NR3C2: variants seen among roughly 807,000 people sequenced by gnomAD.
The protein encoded by NR3C2 is mineralocorticoid receptor.
NR3C2 carries 15 observed loss-of-function variants against 86.4 expected under a neutral mutation model. The ratio of observed to expected loss-of-function variants is 0.17; its 90% CI spans 0.12 to 0.27. NR3C2 has a LOEUF of 0.27. NR3C2 is among the 10% of genes least tolerant of loss of function. The probability of loss-of-function intolerance (pLI) is 1.00; values close to 1 mark genes in which losing one functional copy is unlikely to be tolerated. For synonymous variants in NR3C2, 458 were observed against 450.5 expected (o/e 1.02, Z -0.21); for missense variants, 960 against 1,195.6 (o/e 0.80, Z 2.91).
chr4:148,383,430 C>T (rs1216770368), intron 2 of NR3C2, among the ~76,000 whole-genome samples: 1 of 151,950 alleles, frequency 6.6e-6, no homozygotes, highest in South Asian at 2.1e-4. Flanking sequence ...ATACTTTTGC[C>T]CTTGGTTAAA....
chr4:148,143,235 T>G (rs367656460), intron 6 of NR3C2, among the ~76,000 whole-genome samples: 2 of 152,192 alleles, frequency 1.3e-5, no homozygotes, highest in African/African-American at 4.8e-5. Context: ...GTTTGGATCC[T>G]CAGTGCAGCA....
At chr4:148,397,515 T>C (rs1747921888) in intron 2 of NR3C2, among the ~76,000 whole-genome samples, 1 of 152,218 alleles carries the variant, frequency 6.6e-6, no homozygotes, top group Non-Finnish European at 1.5e-5. Flanking sequence ...AAATGTATTA[T>C]CACACCTTTA....
chr4:148,092,892 C>T (rs1360133875), intron 8 of NR3C2, among the ~76,000 whole-genome samples: 1 of 152,208 alleles, frequency 6.6e-6, no homozygotes, highest in East Asian at 1.9e-4. Context: ...GCATGAGTGA[C>T]TTCATTGCAA....
chr4:148,198,168 A>G (rs1736529217), intron 3 of NR3C2, among the ~76,000 whole-genome samples: 1 of 152,222 alleles, frequency 6.6e-6, no homozygotes. Flanking sequence ...TTAAAAAACA[A>G]TAACAAAGTT....
Position 148,260,122 on chromosome 4 carries a change from G to C in NR3C2, c.1758-5C>G. 1 of 1,613,812 alleles carries C rather than the reference G, an allele frequency of 6.2e-7. No individual in the cohort carries two copies. The highest frequency in any genetic ancestry group is 2.2e-5 in the East Asian group (1 of 44,800). On this transcript the variant is annotated splice_polypyrimidine_tract_variant and splice_region_variant and intron_variant, in intron 2 of 8. Transcript: ENST00000358102. ...GAAACACTTCGTAAAGTAGAGCTGG[G>C]GAAAGAAATTGAGATTTAAATAACT...
chr4:148,144,431 A>G (rs1733766601), intron 6 of NR3C2, among the ~76,000 whole-genome samples: 1 of 152,132 alleles, frequency 6.6e-6, no homozygotes, highest in South Asian at 2.1e-4. Context: ...GGACTCAAGC[A>G]TTCCTCCTGC....
chr4:148,152,549 T>C lies in NR3C2; in HGVS notation c.2430A>G (p.Ser810=). The change falls in exon 6 of 9, where the codon TCA becomes TCG. Residue 810 remains serine, a synonymous_variant. Coordinates refer to ENST00000358102, the MANE Select transcript of NR3C2 (RefSeq NM_000901.5). The part of the protein sequence containing the change: ...TLIQYSWMCL[S]SFALSWRSYK... ...ACGATCTCCAGCTCAAGGCAAATGA[T>C]GATAGACACATCCAAGAATACTGGA... 6.2e-7 allele frequency: 1 copy of C among 1,614,124 alleles called. No homozygotes were observed. Among genetic ancestry groups the C allele is most frequent in the Non-Finnish European group, 8.5e-7 (1 of 1,179,966 alleles).
chr4:148,328,340 T>C (rs1744063989), intron 2 of NR3C2, among the ~76,000 whole-genome samples: 1 of 152,186 alleles, frequency 6.6e-6, no homozygotes, highest in South Asian at 2.1e-4. Context: ...AAGGCATTCA[T>C]GTGACACAAG....
Position 148,129,905 on chromosome 4 carries a change from T to G in NR3C2, c.2511-9617A>C, listed in dbSNP as rs532583136. Among the ~76,000 whole-genome samples the G allele has an allele frequency of 1.2e-4, 18 of 152,294 alleles. No individual in the cohort carries two copies. The East Asian group carries it at 3.3e-3, about 28-fold the overall frequency. ...AAGCCACCGCACCCAGCCTATACTTTGAGATCGATTAAGAAACTAATATTT... is the reference window on the plus strand; with the variant it reads ...AAGCCACCGCACCCAGCCTATACTTGGAGATCGATTAAGAAACTAATATTT... On this transcript the variant is annotated intron_variant, in intron 6 of 8. Transcript: ENST00000358102.
intron 2 of NR3C2, among the ~76,000 whole-genome samples, chr4:148,411,984 C>T (rs1748730110): frequency 6.6e-6 from 1 of 152,156 alleles, no homozygotes; most frequent in Non-Finnish European, 1.5e-5. Flanking sequence ...AAGAGGGTTT[C>T]CGGGTTGGTC....
At chr4:148,313,350 C>T (rs1742999025) in intron 2 of NR3C2, among the ~76,000 whole-genome samples, 1 of 152,080 alleles carries the variant, frequency 6.6e-6, no homozygotes, top group Non-Finnish European at 1.5e-5. Flanking sequence ...TTTGAACCAT[C>T]CAATGTGTAA....
intron 2 of NR3C2, among the ~76,000 whole-genome samples, chr4:148,382,032 T>C (rs1416557118): frequency 1.3e-5 from 2 of 152,160 alleles, no homozygotes; most frequent in African/African-American, 2.4e-5. Context: ...AGACACAGCA[T>C]AGATCAGTGT....
intron 2 of NR3C2, among the ~76,000 whole-genome samples, chr4:148,395,444 T>C (rs1320295082): frequency 6.6e-6 from 1 of 151,972 alleles, no homozygotes; most frequent in Non-Finnish European, 1.5e-5. Flanking sequence ...CAACACGGAG[T>C]CATAGTTACA....
At chr4:148,437,135 T>A (rs1750120684) in intron 1 of NR3C2, among the ~76,000 whole-genome samples, 1 of 152,134 alleles carries the variant, frequency 6.6e-6, no homozygotes, top group Non-Finnish European at 1.5e-5. Context: ...GTCTTTAGAG[T>A]CTGCAAAAAA....
At chr4:148,363,621 A>T (rs1208037553) in intron 2 of NR3C2, among the ~76,000 whole-genome samples, 1 of 148,968 alleles carries the variant, frequency 6.7e-6, no homozygotes, top group African/African-American at 2.5e-5. Flanking sequence ...CTCCTGCCTC[A>T]GCCTCCTGAG....
chr4:148,147,234 T>C (rs1449407347), intron 6 of NR3C2, among the ~76,000 whole-genome samples: 1 of 152,258 alleles, frequency 6.6e-6, no homozygotes, highest in African/African-American at 2.4e-5. Flanking sequence ...TCTCCAGTGA[T>C]GCTAATACCG....
chr4:148,090,619 A>T (rs1731017623), intron 8 of NR3C2, among the ~76,000 whole-genome samples: 1 of 152,216 alleles, frequency 6.6e-6, no homozygotes, highest in Non-Finnish European at 1.5e-5. Context: ...TATCACCCAC[A>T]TAAACATGTC....
intron 8 of NR3C2, among the ~76,000 whole-genome samples, chr4:148,104,600 A>C (rs1203428658): frequency 6.6e-6 from 1 of 152,168 alleles, no homozygotes; most frequent in Admixed American, 6.5e-5. Flanking sequence ...CATTCATGGT[A>C]CTACCAGCTC....
intron 3 of NR3C2, among the ~76,000 whole-genome samples, chr4:148,228,302 T>C (rs1401628565): frequency 6.7e-6 from 1 of 148,454 alleles, no homozygotes; most frequent in Non-Finnish European, 1.5e-5. Flanking sequence ...CACACCCAAG[T>C]ACTTTGCTTT....
Sources: gnomAD v4.1 joint callset for allele counts (sites outside exome capture counted in the v4.1 genomes callset) on GRCh38, gnomAD v4.1.1 for gene constraint, MANE v1.5 for transcripts, NCBI Gene and HGNC (gene_info 2026-07-23, HGNC 2026-07-21) for gene names.